The following ZBTB8A variants were observed in gnomAD, a reference collection of about 807,000 sequenced individuals.
ZBTB8A encodes the protein zinc finger and BTB domain containing 8A.
A neutral mutation model predicts 37.8 loss-of-function variants in ZBTB8A; 19 were observed. The ratio of observed to expected loss-of-function variants is 0.50; its 90% CI spans 0.35 to 0.74. The LOEUF (loss-of-function observed/expected upper bound fraction) is 0.74. ZBTB8A is among the 30% of genes least tolerant of loss of function. The pLI is 0.01. For missense variants in ZBTB8A, 394 were observed against 537.8 expected, an observed-to-expected ratio of 0.73 and a Z score of 2.65; for synonymous variants, 181 against 185.2, an observed-to-expected ratio of 0.98 and a Z score of 0.19.
At chr1:32,579,107 G>T (rs904966888) in intron 2 of ZBTB8A, among the ~76,000 whole-genome samples, 1 of 151,950 alleles carries the variant, frequency 6.6e-6, no homozygotes, top group Non-Finnish European at 1.5e-5. Flanking sequence ...TCTACTTTAT[G>T]CCCTGGATGT....
chr1:32,539,707 C>CGGCCG (rs1557697325), intron 1 of ZBTB8A, 135 bp downstream of exon 1: 22 of 546 alleles, frequency 0.04, no homozygotes, highest in African/African-American at 0.048. Flanking sequence ...GCGCGCCTCC[C>CGGCCG]CCAGACGTCC....
At chr1:32,542,017 G>A (rs961983894) in intron 1 of ZBTB8A, among the ~76,000 whole-genome samples, 3 of 152,098 alleles carry the variant, frequency 2.0e-5, no homozygotes, top group Non-Finnish European at 4.4e-5. Context: ...AACTTACAAT[G>A]TTTTCAACTT....
intron 4 of ZBTB8A, among the ~76,000 whole-genome samples, chr1:32,597,971 C>G (rs894712814): frequency 9.5e-5 from 14 of 147,244 alleles, no homozygotes; most frequent in Admixed American, 3.5e-4. Flanking sequence ...CCAGGCTGGT[C>G]TTGAACTCCT....
chr1:32,549,212 C>T (rs972334923), intron 1 of ZBTB8A, among the ~76,000 whole-genome samples: 3 of 148,694 alleles, frequency 2.0e-5, no homozygotes, highest in African/African-American at 5.0e-5. Flanking sequence ...CAAAACACCT[C>T]GCTGGGTGCT....
At chr1:32,573,429 CTTCT>C (rs781318440) in intron 2 of ZBTB8A, among the ~76,000 whole-genome samples, 30 of 148,054 alleles carry the variant, frequency 2.0e-4, no homozygotes, top group Non-Finnish European at 2.1e-4. Flanking sequence ...GAACTTTCTT[CTTCT>C]TTTTTTTTTT....
chr1:32,596,447 A>AGC (rs1159398084), intron 4 of ZBTB8A, among the ~76,000 whole-genome samples: 3 of 150,966 alleles, frequency 2.0e-5, no homozygotes, highest in Non-Finnish European at 2.9e-5. Flanking sequence ...CTGGCATGGT[A>AGC]GCGCACACCT....
intron 2 of ZBTB8A, among the ~76,000 whole-genome samples, chr1:32,581,332 A>T (rs1407697292): frequency 8.1e-6 from 1 of 123,952 alleles, no homozygotes; most frequent in African/African-American, 3.1e-5. Context: ...AAGTATATAT[A>T]ATATATAAAA....
intron 2 of ZBTB8A, among the ~76,000 whole-genome samples, chr1:32,563,699 C>CGG (rs2148226896): frequency 6.6e-6 from 1 of 152,260 alleles, no homozygotes; most frequent in African/African-American, 2.4e-5. Context: ...TCTCGAACTC[C>CGG]TGACCTCGGG....
At chr1:32,540,464 A>G (rs745315607) in intron 1 of ZBTB8A, among the ~76,000 whole-genome samples, 2 of 152,142 alleles carry the variant, frequency 1.3e-5, no homozygotes, top group Non-Finnish European at 2.9e-5. Context: ...TTCACATAAA[A>G]CAACCACCTA....
At chr1:32,561,729 C>T (rs977018630) in intron 2 of ZBTB8A, among the ~76,000 whole-genome samples, 3 of 151,754 alleles carry the variant, frequency 2.0e-5, no homozygotes, top group Non-Finnish European at 4.4e-5. Flanking sequence ...CCTCCTTTCT[C>T]CAGATCTCTC....
chr1:32,543,699 CAA>C (rs1440665055), intron 1 of ZBTB8A, among the ~76,000 whole-genome samples: 14 of 151,950 alleles, frequency 9.2e-5, no homozygotes, highest in African/African-American at 3.4e-4. Context: ...GTTTTTTAGA[CAA>C]AGTCTCGTTC....
chr1:32,592,495 G>T (rs1212018230), intron 2 of ZBTB8A, among the ~76,000 whole-genome samples: 2 of 151,390 alleles, frequency 1.3e-5, no homozygotes, highest in African/African-American at 4.9e-5. Flanking sequence ...AGCTTTTTTT[G>T]TTTGTTTGTT....
intron 2 of ZBTB8A, among the ~76,000 whole-genome samples, chr1:32,555,770 G>C (rs977592584): frequency 2.0e-5 from 3 of 152,074 alleles, no homozygotes; most frequent in Non-Finnish European, 2.9e-5. Context: ...GTGGCCTCCT[G>C]TCCATATCTA....
intron 2 of ZBTB8A, among the ~76,000 whole-genome samples, chr1:32,556,719 A>G (rs1310816171): frequency 6.6e-6 from 1 of 152,076 alleles, no homozygotes; most frequent in East Asian, 1.9e-4. Context: ...TGTACTAAAA[A>G]TACAGAAATT....
intron 2 of ZBTB8A, among the ~76,000 whole-genome samples, chr1:32,584,200 G>T (rs1644428618): frequency 1.3e-5 from 2 of 152,198 alleles, no homozygotes; most frequent in Admixed American, 6.6e-5. Flanking sequence ...ATGAAATAAA[G>T]AAGGATTCCT....
At chr1:32,582,265 A>T (rs1472766177) in intron 2 of ZBTB8A, among the ~76,000 whole-genome samples, 5 of 152,112 alleles carry the variant, frequency 3.3e-5, no homozygotes, top group Non-Finnish European at 7.3e-5. Flanking sequence ...CCAATTAGGG[A>T]TGCTGAACCT....
At chr1:32,577,585 TC>T (rs1644372457) in intron 2 of ZBTB8A, among the ~76,000 whole-genome samples, 1 of 148,522 alleles carries the variant, frequency 6.7e-6, no homozygotes, top group Non-Finnish European at 1.5e-5. Context: ...GATATTGTAT[TC>T]TTTTTTTTTT....
intron 2 of ZBTB8A, among the ~76,000 whole-genome samples, chr1:32,562,229 T>C (rs1644248955): frequency 6.6e-6 from 1 of 151,184 alleles, no homozygotes; most frequent in South Asian, 2.1e-4. Flanking sequence ...GTGTTGGGAG[T>C]ATAGGCATGA....
At chr1:32,550,531 A>G (rs910674272) in intron 1 of ZBTB8A, among the ~76,000 whole-genome samples, 3 of 152,190 alleles carry the variant, frequency 2.0e-5, no homozygotes, top group African/African-American at 4.8e-5. Flanking sequence ...ATGTGCAAGC[A>G]TCAGCTCCCT....
Sources: gnomAD v4.1 joint callset for allele counts (sites outside exome capture counted in the v4.1 genomes callset) on GRCh38, gnomAD v4.1.1 for gene constraint, MANE v1.5 for transcripts, NCBI Gene and HGNC (gene_info 2026-07-23, HGNC 2026-07-21) for gene names.